The following EIF3E variants were observed in gnomAD, a reference collection of about 807,000 sequenced individuals.
The protein encoded by EIF3E is eukaryotic translation initiation factor 3 subunit E.
In EIF3E, 25 loss-of-function variants were observed where a neutral mutation model predicts 59.3. The ratio of observed to expected loss-of-function variants is 0.42; its 90% confidence interval spans 0.31 to 0.59. The LOEUF (loss-of-function observed/expected upper bound fraction) is 0.59. EIF3E is among the 20% of genes least tolerant of loss of function. The probability of loss-of-function intolerance (pLI) is 0.15; values close to 1 mark genes in which losing one functional copy is unlikely to be tolerated. For missense variants in EIF3E, 317 were observed against 534.3 expected, an observed-to-expected ratio of 0.59 and a Z score of 4.01; for synonymous variants, 176 against 170.2, an observed-to-expected ratio of 1.03 and a Z score of -0.26.
intron 9 of EIF3E, among the ~76,000 whole-genome samples, chr8:108,215,394 A>G (rs1815282944): frequency 6.6e-6 from 1 of 152,048 alleles, no homozygotes; most frequent in South Asian, 2.1e-4. Context: ...CGAGGTGGGC[A>G]GATCACAAGA....
At chr8:108,215,313 C>T (rs1022646634) in intron 9 of EIF3E, among the ~76,000 whole-genome samples, 1 of 151,992 alleles carries the variant, frequency 6.6e-6, no homozygotes, top group Non-Finnish European at 1.5e-5. Flanking sequence ...TCTATTCCAT[C>T]TAATGTTTGA....
intron 7 of EIF3E, among the ~76,000 whole-genome samples, chr8:108,225,095 A>G (rs989975399): frequency 6.6e-5 from 10 of 151,618 alleles, no homozygotes; most frequent in Admixed American, 5.2e-4. Context: ...GCAACTGAGA[A>G]ACAAGATGAA....
chr8:108,248,709 A>C lies in EIF3E; in HGVS notation c.-7T>G, dbSNP rs1469930098. ...TCAAGTCGTACTCCGCCATCTTGCCAAAGAAAAGGGAGTCTGTGCTCACTA... is the reference window on the plus strand; with the variant it reads ...TCAAGTCGTACTCCGCCATCTTGCCCAAGAAAAGGGAGTCTGTGCTCACTA... On this transcript the variant is annotated 5_prime_UTR_variant, in exon 1 of 13. Coordinates refer to ENST00000220849, the MANE Select transcript of EIF3E (RefSeq NM_001568.3). 4 of 1,614,144 alleles carry C rather than the reference A, an allele frequency of 2.5e-6. No homozygotes were observed. The highest frequency in any genetic ancestry group is 3.4e-6 in the Non-Finnish European group (4 of 1,179,978).
intron 12 of EIF3E, 70 bp downstream of exon 12, chr8:108,202,913 C>G: frequency 6.7e-7 from 1 of 1,498,398 alleles, no homozygotes; most frequent in Non-Finnish European, 8.9e-7. Flanking sequence ...CATCAATACA[C>G]TTTGAAACTT....
chr8:108,210,748 C>A (rs1352043577), intron 10 of EIF3E, among the ~76,000 whole-genome samples: 1 of 151,496 alleles, frequency 6.6e-6, no homozygotes, highest in Non-Finnish European at 1.5e-5. Flanking sequence ...CCTCCCCACT[C>A]CCCCCACCCC....
intron 10 of EIF3E, among the ~76,000 whole-genome samples, chr8:108,207,788 G>T (rs761465010): frequency 6.6e-6 from 1 of 152,114 alleles, no homozygotes; most frequent in Non-Finnish European, 1.5e-5. Flanking sequence ...ATTCTTAAGT[G>T]CTATTTCAAA....
rs577168797 is a variant in EIF3E, at chr8:108,211,293, C to A, written c.1061+3314G>T. ...GACTTTTTAATGATCGCCATTCTAA[C>A]TGGTGTGAGATGGTATCTCATTGTG... On this transcript the variant is annotated intron_variant, in intron 10 of 12. Transcript: ENST00000220849. Among the ~76,000 whole-genome samples the A allele has an allele frequency of 4.6e-3, 693 of 152,260 alleles. 4 individuals are homozygous for A. The highest frequency in any genetic ancestry group is 0.016 in the African/African-American group (647 of 41,542).
At chr8:108,228,097 A>T in intron 7 of EIF3E, 170 bp downstream of exon 7, 1 of 638,058 alleles carries the variant, frequency 1.6e-6, no homozygotes, top group Non-Finnish European at 2.5e-6. Flanking sequence ...CAAATAGTTT[A>T]CTTAAGAGTC....
rs71991220 is a variant in EIF3E, at chr8:108,234,600, G to GTA, written c.471+396_471+397dup. ...AGTTGTTTAGAGCCAAGTTCAAGGAGTATATATATATATGATAAAGTATTA... is the reference window on the plus strand; with the variant it reads ...AGTTGTTTAGAGCCAAGTTCAAGGAGTATATATATATATATGATAAAGTATTA... On this transcript the variant is annotated intron_variant, in intron 5 of 12. Coordinates refer to ENST00000220849, the MANE Select transcript of EIF3E (RefSeq NM_001568.3). 3.2e-4 allele frequency: 48 copies of GTA among 152,256 alleles called. No individual in the cohort carries two copies. The East Asian group carries it at 3.5e-3, about 11-fold the overall frequency. The allele number at this position is 152,256 out of a possible 1,614,324, so 9.4% of individuals were successfully genotyped here. A position where few individuals can be genotyped will look rare whatever the true frequency, so the allele number is the denominator to read the frequency against.
chr8:108,230,167 A>C (rs1271806466), intron 5 of EIF3E, among the ~76,000 whole-genome samples: 1 of 152,196 alleles, frequency 6.6e-6, no homozygotes, highest in Non-Finnish European at 1.5e-5. Flanking sequence ...GCACTTTTAC[A>C]TAATAGTATA....
chr8:108,229,231 A>G, intron 5 of EIF3E, 36 bp from the exon 6 acceptor site: 1 of 1,599,718 alleles, frequency 6.3e-7, no homozygotes, highest in Non-Finnish European at 8.5e-7. Flanking sequence ...TATTGTGAAT[A>G]CTCTTGAAAA....
chr8:108,231,790 C>T (rs1438223369), intron 5 of EIF3E: 1 of 151,992 alleles, frequency 6.6e-6, no homozygotes, highest in Non-Finnish European at 1.5e-5. Flanking sequence ...AGAAGTTTCA[C>T]ACCAAACAGA....
Position 108,242,581 on chromosome 8 carries a change from A to C in EIF3E, c.91-668T>G, listed in dbSNP as rs1237007093. ...AACTTAATTTTGCAAGGAAAGAAAA[A>C]TCCAAGAAAATGCCACAATATTTCA... On this transcript the variant is annotated intron_variant, in intron 1 of 12. Transcript: ENST00000220849. 6.3e-5 allele frequency: 74 copies of C among 1,168,470 alleles called. No individual in the cohort carries two copies. In the South Asian group the frequency reaches 1.2e-3, roughly 19 times the overall value. The allele number at this position is 1,168,470 out of a possible 1,614,324, so 72.4% of individuals were successfully genotyped here.
chr8:108,244,094 GA>G (rs1815896999), intron 1 of EIF3E, among the ~76,000 whole-genome samples: 1 of 152,136 alleles, frequency 6.6e-6, no homozygotes, highest in African/African-American at 2.4e-5. Context: ...GTACTCACAT[GA>G]AAAACGAGAA....
intron 10 of EIF3E, among the ~76,000 whole-genome samples, chr8:108,214,289 A>G (rs1041875381): frequency 6.6e-6 from 1 of 152,188 alleles, no homozygotes; most frequent in Non-Finnish European, 1.5e-5. Context: ...GTTGAAAACC[A>G]TTTTAGAAAT....
chr8:108,237,199 G>T (rs1258014552), intron 3 of EIF3E, among the ~76,000 whole-genome samples: 1 of 151,548 alleles, frequency 6.6e-6, no homozygotes, highest in East Asian at 1.9e-4. Flanking sequence ...AATAAAGAAA[G>T]ACATCAAGGG....
In EIF3E at chr8:108,239,149, A is replaced by G. The variant is rs77379743; in HGVS notation, c.323+809T>C. Among the ~76,000 whole-genome samples the G allele has an allele frequency of 8.4e-3, 1,273 of 152,254 alleles. 15 individuals carry two copies. Among genetic ancestry groups the G allele is most frequent in the African/African-American group, 0.029 (1,202 of 41,542 alleles). On this transcript the variant is annotated intron_variant, in intron 3 of 12. Transcript: ENST00000220849. ...TTATAACGAGATACCCATGTGTTCT[A>G]AGGTTCTAGGTATTGCCCAAGCACA...
chr8:108,242,018 T>A, intron 1 of EIF3E, 105 bp from the exon 2 acceptor site: 1 of 1,222,862 alleles, frequency 8.2e-7, no homozygotes, highest in South Asian at 1.6e-5. Context: ...AAATACTTTA[T>A]AAAATACGAT....
At chr8:108,236,106 C>G in intron 4 of EIF3E, 55 bp downstream of exon 4, 1 of 1,494,872 alleles carries the variant, frequency 6.7e-7, no homozygotes, top group Non-Finnish European at 9.2e-7. Context: ...ACAAACCAGT[C>G]TTTAGTCAGC....
Sources: gnomAD v4.1 joint callset for allele counts (sites outside exome capture counted in the v4.1 genomes callset) on GRCh38, gnomAD v4.1.1 for gene constraint, MANE v1.5 for transcripts, NCBI Gene and HGNC (gene_info 2026-07-23, HGNC 2026-07-21) for gene names.